Variants in GGA2 observed in about 807,000 individuals in gnomAD.
GGA2 encodes the protein ADP-ribosylation factor-binding protein GGA2.
Under a neutral mutation model 79.5 loss-of-function variants are expected in GGA2, and 48 were observed. The ratio of observed to expected loss-of-function variants is 0.60; its 90% CI spans 0.48 to 0.77. GGA2 has a LOEUF of 0.77. Among genes scored for constraint, GGA2 ranks in the 30% least tolerant of loss-of-function variants. GGA2 has a pLI of 0.00. For missense variants in GGA2, 770 were observed against 774.0 expected (o/e 0.99, Z 0.06); for synonymous variants, 317 against 302.0 (o/e 1.05, Z -0.51).
At chr16:23,515,573 CAAAAAA>C (rs57148954) in intron 2 of GGA2, among the ~76,000 whole-genome samples, 8 of 111,436 alleles carry the variant, frequency 7.2e-5, no homozygotes, top group Middle Eastern at 4.4e-3. Flanking sequence ...CTCCAGCCTG[CAAAAAA>C]AAAAAAAAAA....
upstream of GGA2, among the ~76,000 whole-genome samples, chr16:23,511,821 G>A (rs1965068224): frequency 6.6e-6 from 1 of 152,130 alleles, no homozygotes; most frequent in Non-Finnish European, 1.5e-5. Context: ...CAATCCAAAA[G>A]TGAAGTCAAA....
intron 4 of GGA2, 49 bp from the exon 5 acceptor site, chr16:23,491,849 GACCGACACTTTA>G (rs745724574): frequency 1.5e-6 from 2 of 1,339,484 alleles, no homozygotes; most frequent in South Asian, 2.4e-5. Context: ...GGACTTGGGA[GACCGACACTTTA>G]ACTAAAGAGG....
At position 23,502,176 on chromosome 16, in the gene GGA2, G is replaced by A. The variant is rs545956070; in HGVS notation, c.92-6398C>T. ...GCCCAAAACTCAACAATGGTGGGAA[G>A]AGAGAGTGGCATCGGGGCAAGGCTG... On this transcript the variant is annotated intron_variant, in intron 1 of 16. Transcript: ENST00000309859. 3.9e-5 allele frequency among the ~76,000 whole-genome samples: 6 copies of A among 152,338 alleles called. No individual in the cohort carries two copies. The East Asian group carries it at 1.2e-3, about 29-fold the overall frequency.
At chr16:23,488,906 C>G (rs1015043669) in intron 5 of GGA2, among the ~76,000 whole-genome samples, 197 bp from the exon 6 acceptor site, 2 of 152,134 alleles carry the variant, frequency 1.3e-5, no homozygotes, top group African/African-American at 2.4e-5. Context: ...ACCATGGTGG[C>G]CGGGACAGCA....
intron 1 of GGA2, among the ~76,000 whole-genome samples, chr16:23,505,094 G>C (rs1964959494): frequency 6.6e-6 from 1 of 152,200 alleles, no homozygotes; most frequent in Non-Finnish European, 1.5e-5. Flanking sequence ...TCCTTCAGCA[G>C]TCCACGCTGC....
At chr16:23,522,636 A>G (rs1341515738), upstream of GGA2, 1 of 152,216 alleles carries the variant, frequency 6.6e-6, no homozygotes, top group Non-Finnish European at 1.5e-5. Flanking sequence ...TATGGGGCTC[A>G]ACAAACTCTG....
chr16:23,513,501 C>G (rs1267072085), upstream of GGA2, among the ~76,000 whole-genome samples: 1 of 151,992 alleles, frequency 6.6e-6, no homozygotes, highest in Non-Finnish European at 1.5e-5. Context: ...AAGAAATTCT[C>G]AGTCGGGCAT....
In GGA2 at chr16:23,478,922, GGAGTA is replaced by G. The variant is rs1167911324; in HGVS notation, c.1130-16_1130-12del. 1.3e-6 allele frequency: 2 copies of G among 1,590,062 alleles called. No homozygotes were observed. Among genetic ancestry groups the G allele is most frequent in the Non-Finnish European group, 1.7e-6 (2 of 1,158,434 alleles). On this transcript the variant is annotated splice_polypyrimidine_tract_variant and intron_variant, in intron 11 of 16. Transcript: ENST00000309859. ...GAGCATCACTGATTCCTGTAAGAAA[GGAGTA>G]GAGTGAGATGCCTAACAGTAACTCC...
At chr16:23,504,107 A>G (rs1198949442) in intron 1 of GGA2, among the ~76,000 whole-genome samples, 1 of 151,926 alleles carries the variant, frequency 6.6e-6, no homozygotes, top group Non-Finnish European at 1.5e-5. Flanking sequence ...AGTACCTACT[A>G]TGGGTCAGAT....
At chr16:23,477,150 C>T (rs1393128877) in intron 13 of GGA2, among the ~76,000 whole-genome samples, 1 of 152,096 alleles carries the variant, frequency 6.6e-6, no homozygotes, top group Non-Finnish European at 1.5e-5. Flanking sequence ...TGGGGTTTTG[C>T]CATATCTCCC....
At chr16:23,501,364 C>T (rs1964919808) in intron 1 of GGA2, 2 of 455,430 alleles carry the variant, frequency 4.4e-6, no homozygotes, top group Admixed American at 2.4e-5. Context: ...TGGATGACAG[C>T]CAGAATCCCA....
chr16:23,468,330 A>C (rs960207647), intron 16 of GGA2, among the ~76,000 whole-genome samples: 9 of 149,424 alleles, frequency 6.0e-5, no homozygotes, highest in African/African-American at 2.2e-4. Flanking sequence ...GGCGCACGCC[A>C]CCATGCCCAG....
At chr16:23,487,377 G>A (rs1308669314) in intron 6 of GGA2, among the ~76,000 whole-genome samples, 1 of 152,162 alleles carries the variant, frequency 6.6e-6, no homozygotes, top group African/African-American at 2.4e-5. Flanking sequence ...CAACTAGAGA[G>A]GGGGTGCTAC....
chr16:23,478,849 T>C, intron 12 of GGA2, 34 bp downstream of exon 12: 1 of 1,517,956 alleles, frequency 6.6e-7, no homozygotes, highest in Non-Finnish European at 9.1e-7. Context: ...GACCCTCCCA[T>C]TCTCTCTCCG....
intron 4 of GGA2, among the ~76,000 whole-genome samples, 160 bp downstream of exon 4, chr16:23,493,200 C>G (rs981134065): frequency 2.6e-5 from 4 of 152,212 alleles, no homozygotes; most frequent in Non-Finnish European, 5.9e-5. Flanking sequence ...AGCTAATGAG[C>G]AGAGCCTCTT....
rs781552536 is a variant in GGA2, at chr16:23,478,388, T to C, written c.1272A>G (p.Ala424=). Residue 424 remains alanine (A), a synonymous_variant, in exon 13 of 17, where the codon GCA becomes GCG. Transcript: ENST00000309859. ...ADRNLLDLLS[A]QPAPCPLNYV... ...CTCACAGAGGGCACGGAGCTGGCTG[T>C]GCTGAGAGGAGGTCCAGCAAATTCC... 11 of 1,605,074 alleles carry C rather than the reference T, an allele frequency of 6.9e-6. No homozygotes were observed. In the South Asian group the frequency reaches 1.0e-4, roughly 15 times the overall value.
chr16:23,520,349 A>G (rs1280368750), intron 1 of GGA2, among the ~76,000 whole-genome samples: 1 of 152,186 alleles, frequency 6.6e-6, no homozygotes, highest in Non-Finnish European at 1.5e-5. Flanking sequence ...TTTTACAAAC[A>G]AGAAAATTGA....
chr16:23,468,453 G>C (rs555033616), intron 16 of GGA2, among the ~76,000 whole-genome samples: 2 of 150,806 alleles, frequency 1.3e-5, no homozygotes, highest in Admixed American at 6.6e-5. Flanking sequence ...TGGGATTACA[G>C]GCGTGAGCCA....
At chr16:23,479,495 G>A (rs972828675) in intron 11 of GGA2, among the ~76,000 whole-genome samples, 2 of 142,964 alleles carry the variant, frequency 1.4e-5, no homozygotes, top group African/African-American at 2.6e-5. Flanking sequence ...CGTGTTCTCC[G>A]AGGGTCCAGC....
Sources: allele counts gnomAD v4.1 joint callset (sites outside exome capture counted in the v4.1 genomes callset), GRCh38; gene constraint gnomAD v4.1.1; transcripts MANE v1.5; gene names NCBI Gene and HGNC (gene_info 2026-07-23, HGNC 2026-07-21).